Variants in RPS6KC1 observed in about 807,000 individuals in gnomAD.
RPS6KC1 encodes ribosomal protein S6 kinase C1, also known as inactive ribosomal protein S6 kinase delta-1.
A neutral mutation model predicts 103.8 loss-of-function variants in RPS6KC1; 54 were observed. The ratio of observed to expected loss-of-function variants is 0.52; its 90% CI spans 0.42 to 0.65. The LOEUF is 0.65. Among genes scored for constraint, RPS6KC1 ranks in the 30% least tolerant of loss-of-function variants. The pLI, the probability that RPS6KC1 is intolerant of heterozygous loss-of-function variation, is 0.00. For synonymous variants in RPS6KC1, 439 were observed against 438.7 expected, an observed-to-expected ratio of 1.00 and a Z score of -0.01; for missense variants, 1,151 against 1,253.8, an observed-to-expected ratio of 0.92 and a Z score of 1.24.
At chr1:213,456,085 A>G in the RPS6KC1 span, among the ~76,000 whole-genome samples, 201 of 152,256 alleles carry the variant, frequency 1.3e-3, no homozygotes, top group African/African-American at 4.7e-3. Flanking sequence ...ATAGCCAATG[A>G]GGAGCGAGGC....
the RPS6KC1 span, among the ~76,000 whole-genome samples, chr1:213,363,585 T>A: frequency 6.7e-6 from 1 of 148,532 alleles, no homozygotes; most frequent in East Asian, 1.9e-4. Context: ...ATTTCTCTAT[T>A]CTTTAGCCCT....
the RPS6KC1 span, among the ~76,000 whole-genome samples, chr1:213,651,816 T>C: frequency 6.6e-6 from 1 of 152,196 alleles, no homozygotes; most frequent in African/African-American, 2.4e-5. Flanking sequence ...TGTAAGCAAG[T>C]GCTGAGAGCA....
chr1:213,655,672 A>G, the RPS6KC1 span, among the ~76,000 whole-genome samples: 1 of 152,200 alleles, frequency 6.6e-6, no homozygotes, highest in Non-Finnish European at 1.5e-5. Flanking sequence ...CAGAGATCAT[A>G]CACATTTTTC....
the RPS6KC1 span, among the ~76,000 whole-genome samples, chr1:213,848,930 A>C: frequency 6.6e-6 from 1 of 152,062 alleles, no homozygotes; most frequent in Non-Finnish European, 1.5e-5. Flanking sequence ...GTGAGAGAAA[A>C]GGGAAAGTGA....
At chr1:213,306,265 A>G in the RPS6KC1 span, among the ~76,000 whole-genome samples, 3 of 152,214 alleles carry the variant, frequency 2.0e-5, no homozygotes, top group Non-Finnish European at 2.9e-5. Flanking sequence ...GGGATCAGGA[A>G]AATGTGATCC....
Position 213,274,751 on chromosome 1 carries a change from A to G in RPS6KC1, c.*2117A>G, listed in dbSNP as rs1035071324. ...AGCAGAAGAGTGGAATATGGGGTCAAAATCATAAAAGAAGTTGCCATGAGT... is the reference window on the plus strand; with the variant it reads ...AGCAGAAGAGTGGAATATGGGGTCAGAATCATAAAAGAAGTTGCCATGAGT... On this transcript the variant is annotated 3_prime_UTR_variant, in exon 15 of 15. Coordinates refer to ENST00000366960, the MANE Select transcript of RPS6KC1 (RefSeq NM_012424.6). The G allele has an allele frequency of 6.6e-5, 10 of 152,130 alleles. No homozygotes were observed. The highest frequency in any genetic ancestry group is 6.5e-4 in the Admixed American group (10 of 15,276). 9.4% of individuals were successfully genotyped at this position (152,130 alleles called of 1,614,324 possible). A position where few individuals can be genotyped will look rare whatever the true frequency, so the allele number is the denominator to read the frequency against.
Position 213,056,021 on chromosome 1 carries a change from A to T in RPS6KC1, c.105+4512A>T, listed in dbSNP as rs551114265. 1.1e-3 allele frequency among the ~76,000 whole-genome samples: 169 copies of T among 152,272 alleles called. 1 individual carries two copies. Among genetic ancestry groups the T allele is most frequent in the Admixed American group, 2.2e-3 (33 of 15,286 alleles). On this transcript the variant is annotated intron_variant, in intron 1 of 14. Transcript: ENST00000366960. ...TGGGTTCAAGTGTTACTCCCTCCTC[A>T]GCCTATTGCCTGGGATTGTGGGCAC...
the RPS6KC1 span, among the ~76,000 whole-genome samples, chr1:213,733,564 T>TTTTA: frequency 6.6e-6 from 1 of 151,042 alleles, no homozygotes; most frequent in African/African-American, 2.4e-5. Context: ...TTTTTTTTTT[T>TTTTA]GAGGAAACTC....
chr1:213,375,554 A>G, the RPS6KC1 span, among the ~76,000 whole-genome samples: 1 of 152,222 alleles, frequency 6.6e-6, no homozygotes, highest in South Asian at 2.1e-4. Context: ...CCCACCCCCA[A>G]GAACATGTTG....
chr1:213,160,913 G>T (rs1052128206), intron 6 of RPS6KC1, among the ~76,000 whole-genome samples: 2 of 151,796 alleles, frequency 1.3e-5, no homozygotes, highest in African/African-American at 4.8e-5. Flanking sequence ...CGAATTAATG[G>T]GTGCAGCAAA....
the RPS6KC1 span, among the ~76,000 whole-genome samples, chr1:213,712,458 G>A: frequency 1.3e-5 from 2 of 152,348 alleles, no homozygotes; most frequent in South Asian, 4.1e-4. Flanking sequence ...GGCTCCATGG[G>A]GGTGGGATCC....
chr1:213,531,307 C>A, the RPS6KC1 span, among the ~76,000 whole-genome samples: 4 of 152,012 alleles, frequency 2.6e-5, no homozygotes, highest in South Asian at 6.2e-4. Context: ...TATAGTTTGG[C>A]TCCTGAAACA....
chr1:213,607,688 T>TAC, the RPS6KC1 span, among the ~76,000 whole-genome samples: 13,290 of 140,482 alleles, frequency 0.095, 634 homozygotes, highest in African/African-American at 0.14. Flanking sequence ...CAGTTGCAAT[T>TAC]ACACACACAC....
chr1:213,432,669 ATCTGTTTTCTG>A, the RPS6KC1 span, among the ~76,000 whole-genome samples: 18 of 151,676 alleles, frequency 1.2e-4, no homozygotes, highest in African/African-American at 4.4e-4. Flanking sequence ...GCAGCCACTG[ATCTGTTTTCTG>A]TCATTGTAGA....
At chr1:213,640,544 G>A in the RPS6KC1 span, among the ~76,000 whole-genome samples, 3 of 151,300 alleles carry the variant, frequency 2.0e-5, no homozygotes, top group African/African-American at 7.3e-5. Context: ...GCATTGTAGT[G>A]CTATACATTT....
intron 8 of RPS6KC1, among the ~76,000 whole-genome samples, chr1:213,221,046 A>G (rs1197043156): frequency 6.6e-6 from 1 of 152,206 alleles, no homozygotes; most frequent in East Asian, 1.9e-4. Flanking sequence ...TTTCAAAACA[A>G]AATACTCTAC....
chr1:213,124,429 CACTT>C lies in RPS6KC1; in HGVS notation c.473-5097_473-5094del, dbSNP rs566326776. The stretch of plus-strand genomic sequence containing the variant: ...CTTCCTACCTAGACTGAGAACCTGT[CACTT>C]GCTTGTTGCTCCCTATATCTTTCTT... On this transcript the variant is annotated intron_variant, in intron 5 of 14. Transcript: ENST00000366960. 3.8e-3 allele frequency among the ~76,000 whole-genome samples: 572 copies of C among 152,274 alleles called. 3 individuals carry two copies. The highest frequency in any genetic ancestry group is 6.5e-3 in the Non-Finnish European group (439 of 68,014).
chr1:213,421,313 A>G, the RPS6KC1 span, among the ~76,000 whole-genome samples: 1 of 152,248 alleles, frequency 6.6e-6, no homozygotes, highest in East Asian at 1.9e-4. Flanking sequence ...ATGTTTCACC[A>G]TGTTGACCAG....
At chr1:213,238,932 T>C (rs186278414) in intron 10 of RPS6KC1, among the ~76,000 whole-genome samples, 3 of 152,188 alleles carry the variant, frequency 2.0e-5, no homozygotes, top group Admixed American at 1.3e-4. Flanking sequence ...ATCTTAGTTT[T>C]AGGTTCAAGC....
Sources: gnomAD v4.1 joint callset for allele counts (sites outside exome capture counted in the v4.1 genomes callset) on GRCh38, gnomAD v4.1.1 for gene constraint, MANE v1.5 for transcripts, NCBI Gene and HGNC (gene_info 2026-07-23, HGNC 2026-07-21) for gene names.